ZNF804B: variants seen among roughly 807,000 people sequenced by gnomAD.
The protein encoded by ZNF804B is zinc finger 804B.
ZNF804B carries 80 observed loss-of-function variants against 101.4 expected under a neutral mutation model. That is an observed-to-expected ratio of 0.79 (90% confidence interval 0.66 to 0.95). The LOEUF (loss-of-function observed/expected upper bound fraction) is 0.95, where lower values mean the gene tolerates loss of function less well. Among genes scored for constraint, ZNF804B ranks in the 40% least tolerant of loss-of-function variants. The probability of loss-of-function intolerance (pLI) is 0.00; values close to 1 mark genes in which losing one functional copy is unlikely to be tolerated. For missense variants in ZNF804B, 1,673 were observed against 1,561.9 expected (o/e 1.07, Z -1.20); for synonymous variants, 622 against 558.8 (o/e 1.11, Z -1.59).
At chr7:88,796,402 T>C (rs900440188) in intron 1 of ZNF804B, among the ~76,000 whole-genome samples, 2 of 152,148 alleles carry the variant, frequency 1.3e-5, no homozygotes, top group Admixed American at 6.5e-5. Context: ...TTCTTCCTCA[T>C]TGTGATTCAC....
intron 1 of ZNF804B, among the ~76,000 whole-genome samples, chr7:88,853,553 AT>A (rs1287018132): frequency 6.6e-6 from 1 of 152,114 alleles, no homozygotes; most frequent in African/African-American, 2.4e-5. Context: ...CTATTCCAAG[AT>A]TTTTTTGTGC....
rs369146176 is a variant in ZNF804B, at chr7:88,806,575, A to G, written c.108+46491A>G. On this transcript the variant is annotated intron_variant, in intron 1 of 3. Coordinates refer to ENST00000333190, the MANE Select transcript of ZNF804B (RefSeq NM_181646.5). ...ATCTGCTTCTCAAAATAATGCATCT[A>G]TCTACCATGGACCCACATTTAATGC... Among the ~76,000 whole-genome samples, 36 of 151,906 alleles carry G rather than the reference A, an allele frequency of 2.4e-4. 1 individual carries two copies. In the East Asian group the frequency reaches 5.6e-3, roughly 24 times the overall value.
At chr7:89,324,596 T>G (rs1790869006) in intron 2 of ZNF804B, among the ~76,000 whole-genome samples, 1 of 146,740 alleles carries the variant, frequency 6.8e-6, no homozygotes, top group South Asian at 2.1e-4. Context: ...CCAGTCTACC[T>G]TACCTTCTTA....
rs562604322 is a variant in ZNF804B, at chr7:88,761,563, A to G, written c.108+1479A>G. Among the ~76,000 whole-genome samples, 5 of 152,288 alleles carry G rather than the reference A, an allele frequency of 3.3e-5. No individual in the cohort carries two copies. In the South Asian group the frequency reaches 1.0e-3, roughly 32 times the overall value. ...TGCCAGGAGAATCTTTCTTACAGCC[A>G]ACTTAAATCCTTTAAATTCTTCTTT... is the stretch of plus-strand genomic sequence containing the variant. On this transcript the variant is annotated intron_variant, in intron 1 of 3. Coordinates refer to ENST00000333190, the MANE Select transcript of ZNF804B (RefSeq NM_181646.5).
At chr7:88,763,471 G>A (rs1405198246) in intron 1 of ZNF804B, among the ~76,000 whole-genome samples, 1 of 151,550 alleles carries the variant, frequency 6.6e-6, no homozygotes, top group Non-Finnish European at 1.5e-5. Flanking sequence ...TGAAAAAATA[G>A]CATACTGCTT....
chr7:89,194,599 G>A (rs929706906), intron 1 of ZNF804B, among the ~76,000 whole-genome samples: 7 of 151,292 alleles, frequency 4.6e-5, no homozygotes, highest in African/African-American at 1.7e-4. Context: ...TTTTTCTCAG[G>A]TTTGTCAAAG....
chr7:89,037,566 G>GAT (rs59604792), intron 1 of ZNF804B, among the ~76,000 whole-genome samples: 3,464 of 145,636 alleles, frequency 0.024, 91 homozygotes, highest in African/African-American at 0.068. Flanking sequence ...GTAATGCATG[G>GAT]ATATATATAT....
chr7:88,847,805 T>C (rs1205439317), intron 1 of ZNF804B, among the ~76,000 whole-genome samples: 1 of 152,198 alleles, frequency 6.6e-6, no homozygotes, highest in Non-Finnish European at 1.5e-5. Context: ...ACCTAAACTA[T>C]TGCAGTTGTT....
Position 89,013,027 on chromosome 7 carries a change from C to A in ZNF804B, c.109-205128C>A, listed in dbSNP as rs145906337. ...ATGCAAGCAGGGGAAATGCCAGACA[C>A]TTATAAAACCATCAGATCTCATGAG... On this transcript the variant is annotated intron_variant, in intron 1 of 3. Transcript: ENST00000333190. Among the ~76,000 whole-genome samples, 588 of 152,238 alleles carry A rather than the reference C, an allele frequency of 3.9e-3. 1 individual carries two copies. Among genetic ancestry groups the A allele is most frequent in the Non-Finnish European group, 5.8e-3 (394 of 68,030 alleles).
intron 1 of ZNF804B, among the ~76,000 whole-genome samples, chr7:88,924,594 A>C (rs143229671): frequency 6.6e-6 from 1 of 152,250 alleles, no homozygotes; most frequent in East Asian, 1.9e-4. Context: ...TTAACTGTCA[A>C]ACAAGACAAG....
intron 2 of ZNF804B, among the ~76,000 whole-genome samples, chr7:89,280,299 G>A (rs923669901): frequency 6.6e-6 from 1 of 151,084 alleles, no homozygotes; most frequent in Non-Finnish European, 1.5e-5. Flanking sequence ...GTCCACAAGA[G>A]GAAGCAGGAA....
intron 2 of ZNF804B, among the ~76,000 whole-genome samples, chr7:89,284,707 T>C (rs1025866101): frequency 1.3e-5 from 2 of 148,736 alleles, no homozygotes; most frequent in African/African-American, 5.0e-5. Flanking sequence ...CTAACAGGAT[T>C]TGGAAAAAAA....
chr7:89,012,802 G>A (rs978945103), intron 1 of ZNF804B, among the ~76,000 whole-genome samples: 7 of 152,124 alleles, frequency 4.6e-5, no homozygotes, highest in African/African-American at 1.7e-4. Context: ...TATTTTTACA[G>A]CCAACGCCCC....
rs148978894 is a variant in ZNF804B at position 89,076,979 on chromosome 7, G to A, written c.109-141176G>A. On this transcript the variant is annotated intron_variant, in intron 1 of 3. Transcript: ENST00000333190. ...ATAGTGTCATATGCCAGTGAGAATG[G>A]CGCTGTCTAATGGCTTCAATATTCG... is the stretch of plus-strand genomic sequence containing the variant. Among the ~76,000 whole-genome samples the A allele has an allele frequency of 5.8e-4, 88 of 152,140 alleles. No homozygotes were observed. The East Asian group carries it at 7.9e-3, about 14-fold the overall frequency.
At chr7:89,147,606 G>A (rs931923582) in intron 1 of ZNF804B, among the ~76,000 whole-genome samples, 3 of 151,960 alleles carry the variant, frequency 2.0e-5, no homozygotes, top group Non-Finnish European at 2.9e-5. Context: ...TGCCTGTTAG[G>A]AACCAGGCCA....
At chr7:89,076,852 G>A (rs562661066) in intron 1 of ZNF804B, among the ~76,000 whole-genome samples, 1 of 152,292 alleles carries the variant, frequency 6.6e-6, no homozygotes, top group African/African-American at 2.4e-5. Context: ...TGCTGAGAGA[G>A]TCCCTGGGAA....
chr7:88,855,448 GTTGT>G (rs1335705786), intron 1 of ZNF804B, among the ~76,000 whole-genome samples: 24 of 151,924 alleles, frequency 1.6e-4, no homozygotes, highest in African/African-American at 5.8e-4. Flanking sequence ...TGTTGATGGG[GTTGT>G]TTGTTTTTTT....
intron 1 of ZNF804B, among the ~76,000 whole-genome samples, chr7:88,857,817 CTTTTCTTTTTTTTT>C (rs1791590499): frequency 1.3e-5 from 1 of 74,300 alleles, no homozygotes; most frequent in African/African-American, 6.0e-5. Flanking sequence ...CCTTTCCTTT[CTTTTCTTTTTTTTT>C]TTTTTTTTTT....
rs1789974125 is a variant in ZNF804B at position 89,096,486 on chromosome 7, T to C, written c.109-121669T>C. Among the ~76,000 whole-genome samples the C allele has an allele frequency of 2.0e-5, 3 of 152,158 alleles. No homozygotes were observed. The South Asian group carries it at 6.2e-4, about 32-fold the overall frequency. ...TGCTGGCCTTGCTTAGAGCCTTCTT[T>C]GGTTGTTTTTAGTGGTTGCTTTCGA... On this transcript the variant is annotated intron_variant, in intron 1 of 3. Transcript: ENST00000333190.
Sources: gnomAD v4.1 joint callset for allele counts (sites outside exome capture counted in the v4.1 genomes callset) on GRCh38, gnomAD v4.1.1 for gene constraint, MANE v1.5 for transcripts, NCBI Gene and HGNC (gene_info 2026-07-23, HGNC 2026-07-21) for gene names.